UBE2E2: variants seen among roughly 807,000 people sequenced by gnomAD.
UBE2E2 encodes the protein ubiquitin-conjugating enzyme E2 E2.
In UBE2E2, 6 loss-of-function variants were observed where a neutral mutation model predicts 24.7. The ratio of observed to expected loss-of-function variants is 0.24; its 90% CI spans 0.13 to 0.48. UBE2E2 has a LOEUF of 0.48. UBE2E2 is among the 20% of genes least tolerant of loss of function. The pLI is 0.99. For missense variants in UBE2E2, 169 were observed against 245.0 expected (o/e 0.69, Z 2.07); for synonymous variants, 104 against 83.6 (o/e 1.24, Z -1.33).
intron 3 of UBE2E2, among the ~76,000 whole-genome samples, chr3:23,220,630 C>T (rs1293482164): frequency 6.6e-6 from 1 of 152,212 alleles, no homozygotes; most frequent in Non-Finnish European, 1.5e-5. Context: ...CTGAGGCCTT[C>T]ACAGATCCAC....
chr3:23,216,328 A>G (rs528989979), intron 2 of UBE2E2, among the ~76,000 whole-genome samples: 1 of 152,246 alleles, frequency 6.6e-6, no homozygotes, highest in East Asian at 1.9e-4. Flanking sequence ...GTAGAATGAA[A>G]TTGTTTGAGT....
At chr3:23,426,908 G>A (rs1022275759) in intron 3 of UBE2E2, among the ~76,000 whole-genome samples, 1 of 152,036 alleles carries the variant, frequency 6.6e-6, no homozygotes, top group African/African-American at 2.4e-5. Flanking sequence ...AATATATTGT[G>A]TGCGTATACA....
Position 23,403,830 on chromosome 3 carries a change from A to G in UBE2E2, c.228-95778A>G, listed in dbSNP as rs553149313. Among the ~76,000 whole-genome samples, 7 of 150,328 alleles carry G rather than the reference A, an allele frequency of 4.7e-5. No individual in the cohort carries two copies. In the South Asian group the frequency reaches 1.5e-3, roughly 32 times the overall value. On this transcript the variant is annotated intron_variant, in intron 3 of 5. Coordinates refer to ENST00000396703, the MANE Select transcript of UBE2E2 (RefSeq NM_152653.4). ...CTCCAAAAAAAAAAAAAAAAAAGCCATTGTAGGATAGTAGTAATTTTAAAA... is the reference window on the plus strand; with the variant it reads ...CTCCAAAAAAAAAAAAAAAAAAGCCGTTGTAGGATAGTAGTAATTTTAAAA...
rs77080907 is a variant in UBE2E2 at position 23,589,429 on chromosome 3, A to G, written c.509-305A>G. On this transcript the variant is annotated intron_variant, in intron 5 of 5. Coordinates refer to ENST00000396703, the MANE Select transcript of UBE2E2 (RefSeq NM_152653.4). The surrounding 1 kb of genome is among the most constrained non-coding windows in gnomAD (Gnocchi z 4.1). Reference sequence around the variant, plus strand: ...CAGAGCAACACCCTGTCTCAAAAGAAAAAAAAAAAAACCAATACGAGGGGA... The same window carrying G: ...CAGAGCAACACCCTGTCTCAAAAGAGAAAAAAAAAAACCAATACGAGGGGA... Among the ~76,000 whole-genome samples the G allele has an allele frequency of 1.4e-5, 1 of 72,726 alleles. No homozygotes were observed. Among genetic ancestry groups the G allele is most frequent in the South Asian group, 5.4e-4 (1 of 1,846 alleles). 47.7% of individuals were successfully genotyped at this position (72,726 alleles called of 152,430 possible).
At chr3:23,224,156 G>GT (rs531661466) in intron 3 of UBE2E2, among the ~76,000 whole-genome samples, 21,826 of 93,700 alleles carry the variant, frequency 0.23, 2,635 homozygotes, top group Non-Finnish European at 0.3. Flanking sequence ...TAAATTTTAG[G>GT]TTTTTTTTTT....
intron 3 of UBE2E2, among the ~76,000 whole-genome samples, chr3:23,263,105 AG>A (rs557728400): frequency 2.6e-5 from 4 of 152,194 alleles, no homozygotes; most frequent in Non-Finnish European, 4.4e-5. Context: ...GTGTGTTCTT[AG>A]CTGAGATGGA....
chr3:23,336,570 T>G (rs975717417), intron 3 of UBE2E2, among the ~76,000 whole-genome samples: 8 of 152,216 alleles, frequency 5.3e-5, no homozygotes, highest in African/African-American at 1.9e-4. Flanking sequence ...GGTCCTTGCA[T>G]TAGTCCTTAA....
intron 3 of UBE2E2, among the ~76,000 whole-genome samples, chr3:23,499,361 C>T (rs959583073): frequency 6.6e-6 from 1 of 152,162 alleles, no homozygotes; most frequent in African/African-American, 2.4e-5. Flanking sequence ...TCCTTGGACT[C>T]TTGTTCCATA....
chr3:23,233,563 T>C (rs147305096), intron 3 of UBE2E2, among the ~76,000 whole-genome samples: 2 of 152,206 alleles, frequency 1.3e-5, no homozygotes, highest in Non-Finnish European at 2.9e-5. Flanking sequence ...CAAAACCTTA[T>C]GCATTTTACT....
intron 3 of UBE2E2, among the ~76,000 whole-genome samples, chr3:23,257,674 C>CA (rs1553635396): frequency 2.0e-5 from 3 of 149,142 alleles, no homozygotes; most frequent in Non-Finnish European, 4.5e-5. Context: ...GCTGGTTTTA[C>CA]TTTTTTTTTG....
At position 23,474,830 on chromosome 3, in the gene UBE2E2, G is replaced by A. The variant is rs528127609; in HGVS notation, c.228-24778G>A. Among the ~76,000 whole-genome samples the A allele has an allele frequency of 1.5e-4, 23 of 151,894 alleles. No homozygotes were observed. Among genetic ancestry groups the A allele is most frequent in the African/African-American group, 3.9e-4 (16 of 41,342 alleles). ...CCTGTTTGGACATTTTGTATGCCCCGCCCTTCTTATCCCCCATTCACATTC... is the reference window on the plus strand; with the variant it reads ...CCTGTTTGGACATTTTGTATGCCCCACCCTTCTTATCCCCCATTCACATTC... On this transcript the variant is annotated intron_variant, in intron 3 of 5. Coordinates refer to ENST00000396703, the MANE Select transcript of UBE2E2 (RefSeq NM_152653.4). This position sits in a 1 kb window ranked among gnomAD's most constrained non-coding sequence, Gnocchi z 4.0.
intron 3 of UBE2E2, among the ~76,000 whole-genome samples, chr3:23,399,130 T>C (rs1338100485): frequency 2.0e-5 from 3 of 152,294 alleles, no homozygotes; most frequent in Admixed American, 2.0e-4. Flanking sequence ...TTTCCTTCTT[T>C]ATAATTTCAT....
At chr3:23,541,691 T>C (rs1695399828) in intron 5 of UBE2E2, among the ~76,000 whole-genome samples, 1 of 150,892 alleles carries the variant, frequency 6.6e-6, no homozygotes, top group Non-Finnish European at 1.5e-5. Flanking sequence ...GCAATGGTTC[T>C]TCCCCACCAC....
intron 3 of UBE2E2, among the ~76,000 whole-genome samples, chr3:23,458,391 C>CTGCTGGTGGTGGTGG (rs1553613010): frequency 2.4e-5 from 3 of 122,486 alleles, no homozygotes; most frequent in Admixed American, 2.4e-4. Flanking sequence ...AGAGAGATCG[C>CTGCTGGTGGTGGTGG]TGGTGGTGGT....
chr3:23,498,185 G>T (rs1699646328), intron 3 of UBE2E2, among the ~76,000 whole-genome samples: 1 of 151,964 alleles, frequency 6.6e-6, no homozygotes, highest in South Asian at 2.1e-4. Context: ...ACTTTTATAT[G>T]ATCCAAATAT....
rs1449308084 is a variant in UBE2E2, at chr3:23,280,619, G to A, written c.227+63307G>A. On this transcript the variant is annotated intron_variant, in intron 3 of 5. Transcript: ENST00000396703. The surrounding 1 kb of genome is among the most constrained non-coding windows in gnomAD (Gnocchi z 4.3). The stretch of plus-strand genomic sequence containing the variant: ...ATGACCCAGTTGTCTTACTCACTCA[G>A]AAATGGTGCCTTCTTTTGGTGGCAT... 1.1e-4 allele frequency among the ~76,000 whole-genome samples: 16 copies of A among 152,190 alleles called. No homozygotes were observed. The highest frequency in any genetic ancestry group is 2.2e-4 in the Non-Finnish European group (15 of 68,042).
intron 3 of UBE2E2, among the ~76,000 whole-genome samples, chr3:23,461,715 A>C (rs1009922438): frequency 3.3e-5 from 5 of 152,144 alleles, no homozygotes; most frequent in Non-Finnish European, 7.4e-5. Flanking sequence ...AAGGTCTCTA[A>C]GACAGATATC....
At chr3:23,303,196 G>A (rs1052702848) in intron 3 of UBE2E2, among the ~76,000 whole-genome samples, 1 of 151,830 alleles carries the variant, frequency 6.6e-6, no homozygotes, top group Non-Finnish European at 1.5e-5. Context: ...ACTGTCTCCC[G>A]TCACCCCCAG....
At chr3:23,327,142 A>G (rs1300744242) in intron 3 of UBE2E2, among the ~76,000 whole-genome samples, 1 of 152,168 alleles carries the variant, frequency 6.6e-6, no homozygotes, top group African/African-American at 2.4e-5. Flanking sequence ...ATACATGTGC[A>G]TATGTCTTTA....
Sources: gnomAD v4.1 joint callset for allele counts (sites outside exome capture counted in the v4.1 genomes callset) on GRCh38, gnomAD v4.1.1 for gene constraint, Gnocchi (gnomAD v3.1) non-coding constraint, MANE v1.5 for transcripts, NCBI Gene and HGNC (gene_info 2026-07-23, HGNC 2026-07-21) for gene names.